The following CCDC51 variants were observed in gnomAD, a reference collection of about 807,000 sequenced individuals.
CCDC51 encodes the protein coiled-coil domain containing 51.
CCDC51 carries 25 observed loss-of-function variants against 24.8 expected under a neutral mutation model. The observed-to-expected ratio is 1.01, with a 90% CI of 0.73 to 1.41. The LOEUF is 1.41. Ranked by LOEUF, CCDC51 falls within the 40% of genes most tolerant of loss-of-function variation. CCDC51 has a pLI of 0.00. For synonymous variants in CCDC51, 190 were observed against 204.3 expected (o/e 0.93, Z 0.60); for missense variants, 466 against 519.1 (o/e 0.90, Z 0.99).
rs374632559 is a variant in CCDC51, at chr3:48,433,778, G to A, written c.406C>T (p.Arg136Cys). ...HQAKLKEVRD[R>C]LDRVSREDSQ... ...TCCTCCCTGGAGACACGGTCCAAGC[G>A]GTCCCTCACCTCCTTCAGCTTGGCC... The change falls in exon 3 of 4, where the codon CGC becomes TGC. Residue 136 changes from arginine to cysteine, a missense_variant. Coordinates refer to ENST00000395694, the MANE Select transcript of CCDC51 (RefSeq NM_001256964.2). The surrounding 1 kb of genome is among the most constrained non-coding windows in gnomAD (Gnocchi z 4.4). The A allele has an allele frequency of 2.3e-5, 37 of 1,613,878 alleles. No homozygotes were observed. The highest frequency in any genetic ancestry group is 3.0e-5 in the Non-Finnish European group (35 of 1,179,956).
chr3:48,436,452 C>T (rs912261389), intron 1 of CCDC51, among the ~76,000 whole-genome samples: 29 of 152,280 alleles, frequency 1.9e-4, no homozygotes, highest in African/African-American at 7.2e-5. Context: ...AGCTGAGAGC[C>T]GCAGAAGGGA....
Position 48,432,715 on chromosome 3 carries a change from G to T in CCDC51, c.929C>A (p.Ser310Tyr). 6.2e-7 allele frequency: 1 copy of T among 1,614,236 alleles called. No homozygotes were observed. The highest frequency in any genetic ancestry group is 8.5e-7 in the Non-Finnish European group (1 of 1,180,042). ...TTCTAGACATGAATGGACTTGCCTGGAATGACTAAGCTGCTCTTTCAAGGC... is the reference window on the plus strand; with the variant it reads ...TTCTAGACATGAATGGACTTGCCTGTAATGACTAAGCTGCTCTTTCAAGGC... ...SAALKEQLSH[S>Y]RQVHSCLEGL... The change falls in exon 4 of 4, where the codon TCC (serine) becomes TAC (tyrosine). Residue 310 changes from serine (S) to tyrosine (Y), a missense_variant. Coordinates refer to ENST00000395694, the MANE Select transcript of CCDC51 (RefSeq NM_001256964.2).
upstream of CCDC51, chr3:48,443,801 C>G: frequency 6.6e-7 from 1 of 1,506,788 alleles, no homozygotes; most frequent in Non-Finnish European, 8.9e-7. Flanking sequence ...GGGCTTCTAC[C>G]GTAAGAACTA....
rs2039191354 is a variant in CCDC51 at position 48,432,327 on chromosome 3, G to T, written c.*81C>A. ...ATTGAGGTTGTACATGCCCCCAAAG[G>T]CTCGCTTCATTGCTACGATTCTCTA... On this transcript the variant is annotated 3_prime_UTR_variant, in exon 4 of 4. Coordinates refer to ENST00000395694, the MANE Select transcript of CCDC51 (RefSeq NM_001256964.2). The T allele has an allele frequency of 6.5e-7, 1 of 1,538,614 alleles. No individual in the cohort carries two copies. Among genetic ancestry groups the T allele is most frequent in the Non-Finnish European group, 8.8e-7 (1 of 1,130,190 alleles).
intron 1 of CCDC51, among the ~76,000 whole-genome samples, chr3:48,439,738 C>G (rs1042593533): frequency 6.6e-6 from 1 of 152,120 alleles, no homozygotes; most frequent in Admixed American, 6.5e-5. Context: ...AGTTGTATGG[C>G]CATCACCAAA....
chr3:48,445,520 T>C, the CCDC51 span, among the ~76,000 whole-genome samples: 1 of 152,184 alleles, frequency 6.6e-6, no homozygotes, highest in East Asian at 1.9e-4. Flanking sequence ...GCACCAGTGA[T>C]TCACACTGTT....
Position 48,432,284 on chromosome 3 carries a change from C to A in CCDC51, c.*124G>T. 2 of 1,141,596 alleles carry A rather than the reference C, an allele frequency of 1.8e-6. No individual in the cohort carries two copies. Among genetic ancestry groups the A allele is most frequent in the Non-Finnish European group, 2.5e-6 (2 of 805,126 alleles). 70.7% of individuals were successfully genotyped at this position (1,141,596 alleles called of 1,614,324 possible). A position where few individuals can be genotyped will look rare whatever the true frequency, so the allele number is the denominator to read the frequency against. ...GAAGCATGCCTGCTGGTGAGCCACA[C>A]AGATACTGCTCCTTCAGATTGAGGT... On this transcript the variant is annotated 3_prime_UTR_variant, in exon 4 of 4. Coordinates refer to ENST00000395694, the MANE Select transcript of CCDC51 (RefSeq NM_001256964.2).
At chr3:48,438,148 C>T (rs546102366) in intron 1 of CCDC51, 6 of 152,264 alleles carry the variant, frequency 3.9e-5, no homozygotes, top group African/African-American at 9.6e-5. Flanking sequence ...CCCCGGCACT[C>T]GGCACTCAGA....
In CCDC51 at chr3:48,432,315, A is replaced by G. The variant is rs2107115257; in HGVS notation, c.*93T>C. ...CTGCTCCTTCAGATTGAGGTTGTAC[A>G]TGCCCCCAAAGGCTCGCTTCATTGC... is the stretch of plus-strand genomic sequence containing the variant. On this transcript the variant is annotated 3_prime_UTR_variant, in exon 4 of 4. Transcript: ENST00000395694. The G allele has an allele frequency of 1.4e-6, 2 of 1,471,436 alleles. No individual in the cohort carries two copies. The highest frequency in any genetic ancestry group is 1.8e-5 in the Admixed American group (1 of 54,856). 91.1% of individuals were successfully genotyped at this position (1,471,436 alleles called of 1,614,324 possible).
chr3:48,445,628 A>G, the CCDC51 span, among the ~76,000 whole-genome samples: 1 of 152,364 alleles, frequency 6.6e-6, no homozygotes, highest in East Asian at 1.9e-4. Context: ...TAAGCATGCA[A>G]CACTTGGGAA....
chr3:48,440,553 T>C (rs1368919538), upstream of CCDC51: 3 of 1,611,600 alleles, frequency 1.9e-6, no homozygotes, highest in Non-Finnish European at 2.5e-6. Context: ...AGATAAGGCT[T>C]TCAAGCAGAA....
chr3:48,437,323 T>A lies in CCDC51; in HGVS notation c.-8-2187A>T, dbSNP rs1303072923. Among the ~76,000 whole-genome samples the A allele has an allele frequency of 6.6e-6, 1 of 151,740 alleles. No individual in the cohort carries two copies. ...AATAATTCCCATGTGGCAACTGGAG[T>A]TGTTTCTCCACTCCAGTCCCTCCCC... On this transcript the variant is annotated intron_variant, in intron 1 of 3. Transcript: ENST00000395694. The surrounding 1 kb of genome is among the most constrained non-coding windows in gnomAD (Gnocchi z 4.2).
At chr3:48,444,192 C>G (rs772007260), upstream of CCDC51, 19 of 248,132 alleles carry the variant, frequency 7.7e-5, no homozygotes, top group Non-Finnish European at 1.4e-4. Context: ...GAAATTAAAC[C>G]AACTCATTTG....
upstream of CCDC51, among the ~76,000 whole-genome samples, chr3:48,443,231 A>G (rs1460508062): frequency 2.5e-5 from 3 of 120,158 alleles, no homozygotes; most frequent in Non-Finnish European, 5.0e-5. Context: ...ACAAAGCAAG[A>G]CTCCATCTCC....
rs1435832675 is a variant in CCDC51 at position 48,435,936 on chromosome 3, G to C, written c.-8-800C>G. Among the ~76,000 whole-genome samples the C allele has an allele frequency of 6.6e-6, 1 of 152,132 alleles. No homozygotes were observed. The highest frequency in any genetic ancestry group is 1.9e-4 in the East Asian group (1 of 5,200). Reference sequence around the variant, plus strand: ...TCTCCAACCTGCCATTGCTCAACAGGTTAGGTTTCTCTCATCTTTCCCTTT... The same window carrying C: ...TCTCCAACCTGCCATTGCTCAACAGCTTAGGTTTCTCTCATCTTTCCCTTT... On this transcript the variant is annotated intron_variant, in intron 1 of 3. Coordinates refer to ENST00000395694, the MANE Select transcript of CCDC51 (RefSeq NM_001256964.2). This position sits in a 1 kb window ranked among gnomAD's most constrained non-coding sequence, Gnocchi z 4.2.
In CCDC51 at chr3:48,433,039, T is replaced by C. The variant is rs1431191446; in HGVS notation, c.605A>G (p.Asn202Ser). The C allele has an allele frequency of 6.2e-6, 10 of 1,614,016 alleles. No individual in the cohort carries two copies. The highest frequency in any genetic ancestry group is 8.5e-6 in the Non-Finnish European group (10 of 1,180,042). ...CAGGACTGAGCCAATGAGGGACCAG[T>C]TCTTGGTCCTCTCAGCCCTTGTGCG... ...KERTRAERTKNWSLIGSVLGA... is the reference protein window; with the variant it reads ...KERTRAERTKSWSLIGSVLGA... The change falls in exon 4 of 4, where the codon AAC (asparagine) becomes AGC (serine). Residue 202 changes from asparagine (N) to serine (S), a missense_variant. Transcript: ENST00000395694. This position sits in a 1 kb window ranked among gnomAD's most constrained non-coding sequence, Gnocchi z 4.4.
At chr3:48,440,216 G>A, upstream of CCDC51, 1 of 1,520,440 alleles carries the variant, frequency 6.6e-7, no homozygotes, top group South Asian at 1.3e-5. Context: ...AATCAGCGGG[G>A]CCGCCTCGCT....
At chr3:48,443,535 GAAA>G (rs35356755), upstream of CCDC51, among the ~76,000 whole-genome samples, 8 of 114,736 alleles carry the variant, frequency 7.0e-5, no homozygotes, top group East Asian at 2.5e-4. Context: ...TTCCATCTCA[GAAA>G]AAAAAAAAAA....
chr3:48,446,622 G>A, the CCDC51 span: 15 of 440,518 alleles, frequency 3.4e-5, no homozygotes, highest in African/African-American at 1.0e-4. Context: ...GCCGAATCCC[G>A]CCCGTGGACC....
Sources: allele counts gnomAD v4.1 joint callset (sites outside exome capture counted in the v4.1 genomes callset), GRCh38; gene constraint gnomAD v4.1.1; non-coding constraint Gnocchi (gnomAD v3.1); transcripts MANE v1.5; gene names NCBI Gene and HGNC (gene_info 2026-07-23, HGNC 2026-07-21).